Variants in MAP1LC3A observed in about 807,000 individuals in gnomAD.
MAP1LC3A encodes the protein microtubule associated protein 1 light chain 3 alpha.
In MAP1LC3A, 10 loss-of-function variants were observed where a neutral mutation model predicts 15.2. The ratio of observed to expected loss-of-function variants is 0.66; its 90% CI spans 0.41 to 1.12. The LOEUF is 1.12. Ranked by LOEUF, MAP1LC3A falls within the 50% of genes most tolerant of loss-of-function variation. The pLI, the probability that MAP1LC3A is intolerant of heterozygous loss-of-function variation, is 0.00. For missense variants in MAP1LC3A, 138 were observed against 167.3 expected (o/e 0.82, Z 0.97); for synonymous variants, 63 against 64.3 (o/e 0.98, Z 0.10).
Position 34,559,340 on chromosome 20 carries a change from C to T in MAP1LC3A, c.97-7C>T. ...CACGACCCCCTGCCCGCCCGCCCTGCTCCCAGGTGATCATCGAGCGCTACA... is the reference window on the plus strand; with the variant it reads ...CACGACCCCCTGCCCGCCCGCCCTGTTCCCAGGTGATCATCGAGCGCTACA... On this transcript the variant is annotated splice_region_variant and splice_polypyrimidine_tract_variant and intron_variant, in intron 2 of 3. Transcript: ENST00000360668. 2.5e-6 allele frequency: 4 copies of T among 1,590,618 alleles called. No homozygotes were observed. The highest frequency in any genetic ancestry group is 3.4e-6 in the Non-Finnish European group (4 of 1,161,482).
intron 2 of MAP1LC3A, among the ~76,000 whole-genome samples, chr20:34,550,366 A>G (rs905073609): frequency 3.3e-5 from 5 of 152,170 alleles, no homozygotes; most frequent in African/African-American, 7.2e-5. Context: ...AGGGGGAGAT[A>G]GACCTTCTAG....
Position 34,558,963 on chromosome 20 carries a change from G to T in MAP1LC3A, c.40+55G>T, listed in dbSNP as rs990001947. On this transcript the variant is annotated intron_variant, in intron 1 of 3. Transcript: ENST00000360668. This position sits in a 1 kb window ranked among gnomAD's most constrained non-coding sequence, Gnocchi z 4.3. ...TGGGGCAGGGGTGCCGGCCGACCCC[G>T]ACTGCCGCAGGTGACGTCAGCCCCG... is the stretch of plus-strand genomic sequence containing the variant. 2 of 1,345,494 alleles carry T rather than the reference G, an allele frequency of 1.5e-6. No individual in the cohort carries two copies. The highest frequency in any genetic ancestry group is 3.6e-5 in the South Asian group (2 of 55,248). 83.3% of individuals were successfully genotyped at this position (1,345,494 alleles called of 1,614,324 possible).
At position 34,558,963 on chromosome 20, in the gene MAP1LC3A, G is replaced by C. The variant is rs990001947; in HGVS notation, c.40+55G>C. 7.4e-7 allele frequency: 1 copy of C among 1,345,386 alleles called. No homozygotes were observed. Among genetic ancestry groups the C allele is most frequent in the Admixed American group, 4.1e-5 (1 of 24,406 alleles). 83.3% of individuals were successfully genotyped at this position (1,345,386 alleles called of 1,614,324 possible). A position where few individuals can be genotyped will look rare whatever the true frequency, so the allele number is the denominator to read the frequency against. On this transcript the variant is annotated intron_variant, in intron 1 of 3. Transcript: ENST00000360668. The surrounding 1 kb of genome is among the most constrained non-coding windows in gnomAD (Gnocchi z 4.3). Reference sequence around the variant, plus strand: ...TGGGGCAGGGGTGCCGGCCGACCCCGACTGCCGCAGGTGACGTCAGCCCCG... The same window carrying C: ...TGGGGCAGGGGTGCCGGCCGACCCCCACTGCCGCAGGTGACGTCAGCCCCG...
chr20:34,550,731 C>T lies in MAP1LC3A; in HGVS notation c.52+702C>T, dbSNP rs186441454. ...AAGAGAGGCCTGGCCACTCCTCAAA[C>T]ACACACCTGCCCCCAAAGCCAGCAT... On this transcript the variant is annotated intron_variant, in intron 2 of 4. Transcript: ENST00000374837. 5.3e-3 allele frequency among the ~76,000 whole-genome samples: 802 copies of T among 152,306 alleles called. 3 individuals carry two copies. The highest frequency in any genetic ancestry group is 8.4e-3 in the Non-Finnish European group (569 of 68,024).
intron 2 of MAP1LC3A, among the ~76,000 whole-genome samples, chr20:34,550,385 C>T (rs957583158): frequency 3.3e-5 from 5 of 152,112 alleles, no homozygotes; most frequent in Admixed American, 6.5e-5. Flanking sequence ...AGATGGCAAA[C>T]GGCATGGAGA....
chr20:34,550,683 G>C (rs1032609156), intron 2 of MAP1LC3A, among the ~76,000 whole-genome samples: 3 of 152,178 alleles, frequency 2.0e-5, no homozygotes, highest in African/African-American at 7.2e-5. Flanking sequence ...TCGCTGATGG[G>C]AGCACAAAAT....
chr20:34,552,911 G>A (rs1002730616), intron 2 of MAP1LC3A, among the ~76,000 whole-genome samples: 9 of 152,184 alleles, frequency 5.9e-5, no homozygotes, highest in South Asian at 2.1e-4. Flanking sequence ...TGAGGAGGCC[G>A]GGCACAATGG....
chr20:34,553,645 C>A (rs1362884974), intron 2 of MAP1LC3A, among the ~76,000 whole-genome samples: 1 of 152,200 alleles, frequency 6.6e-6, no homozygotes, highest in African/African-American at 2.4e-5. Flanking sequence ...CAAACTAAGG[C>A]CCTCAGTTAA....
At chr20:34,553,135 G>A (rs77273357) in intron 2 of MAP1LC3A, among the ~76,000 whole-genome samples, 31 of 152,222 alleles carry the variant, frequency 2.0e-4, no homozygotes, top group Non-Finnish European at 3.2e-4. Flanking sequence ...GTTGCGGTAC[G>A]CCAATATTGT....
intron 2 of MAP1LC3A, among the ~76,000 whole-genome samples, chr20:34,551,853 A>C (rs190602734): frequency 2.0e-5 from 3 of 152,098 alleles, no homozygotes; most frequent in Non-Finnish European, 4.4e-5. Flanking sequence ...TCTGCATTTC[A>C]TTGTTTGTGA....
chr20:34,555,150 T>A (rs1402711097), upstream of MAP1LC3A, among the ~76,000 whole-genome samples: 3 of 151,104 alleles, frequency 2.0e-5, no homozygotes, highest in Admixed American at 6.6e-5. Context: ...TTTTCTTATT[T>A]TTTTTTTTTT....
At chr20:34,559,018 C>T in intron 1 of MAP1LC3A, 110 bp downstream of exon 1, 1 of 1,336,258 alleles carries the variant, frequency 7.5e-7, no homozygotes, top group South Asian at 1.9e-5. Context: ...GACCCTCGGG[C>T]TGGGACCAGC....
At chr20:34,554,024 A>G (rs1459191471), upstream of MAP1LC3A, among the ~76,000 whole-genome samples, 2 of 152,112 alleles carry the variant, frequency 1.3e-5, no homozygotes, top group Non-Finnish European at 2.9e-5. Flanking sequence ...GTTTGGGTCA[A>G]TTTTGCCAAA....
intron 3 of MAP1LC3A, 37 bp downstream of exon 3, chr20:34,559,490 C>A: frequency 6.4e-7 from 1 of 1,567,008 alleles, no homozygotes; most frequent in Non-Finnish European, 8.7e-7. Flanking sequence ...TGGCTAGGGT[C>A]GGGAGGGGAG....
At chr20:34,559,155 G>A in intron 1 of MAP1LC3A, 53 bp from the exon 2 acceptor site, 5 of 1,490,114 alleles carry the variant, frequency 3.4e-6, no homozygotes, top group Admixed American at 2.2e-5. Context: ...GGGACAGGCG[G>A]GGCGGACCTG....
Position 34,560,059 on chromosome 20 carries a change from T to G in MAP1LC3A, c.*161T>G. The G allele has an allele frequency of 1.5e-6, 1 of 645,976 alleles. No individual in the cohort carries two copies. Among genetic ancestry groups the G allele is most frequent in the Non-Finnish European group, 2.5e-6 (1 of 397,168 alleles). The allele number at this position is 645,976 out of a possible 1,614,324, so 40.0% of individuals were successfully genotyped here. On this transcript the variant is annotated 3_prime_UTR_variant, in exon 4 of 4. Coordinates refer to ENST00000360668, the MANE Select transcript of MAP1LC3A (RefSeq NM_032514.4). ...CCAACCCACCTACTCTGCCCCTGGGTGGATCCTGGGCCGGTCGTGTTAGGG... is the reference window on the plus strand; with the variant it reads ...CCAACCCACCTACTCTGCCCCTGGGGGGATCCTGGGCCGGTCGTGTTAGGG...
Position 34,560,054 on chromosome 20 carries a change from CT to C in MAP1LC3A, c.*157del, listed in dbSNP as rs769743878. On this transcript the variant is annotated 3_prime_UTR_variant, in exon 4 of 4. Coordinates refer to ENST00000360668, the MANE Select transcript of MAP1LC3A (RefSeq NM_032514.4). ...GGGCACCAACCCACCTACTCTGCCC[CT>C]GGGTGGATCCTGGGCCGGTCGTGTT... 125 of 584,440 alleles carry C rather than the reference CT, an allele frequency of 2.1e-4. No individual in the cohort carries two copies. The Middle Eastern group carries it at 4.0e-3, about 19-fold the overall frequency. The allele number at this position is 584,440 out of a possible 1,614,324, so 36.2% of individuals were successfully genotyped here.
chr20:34,556,217 T>C (rs1422426317), upstream of MAP1LC3A, among the ~76,000 whole-genome samples: 3 of 152,240 alleles, frequency 2.0e-5, no homozygotes, highest in African/African-American at 7.2e-5. Context: ...GACTTCATAT[T>C]TAGAATAGGT....
intron 1 of MAP1LC3A, among the ~76,000 whole-genome samples, chr20:34,547,750 G>A (rs1341412182): frequency 1.3e-5 from 2 of 152,144 alleles, no homozygotes; most frequent in Non-Finnish European, 2.9e-5. Context: ...CTGTGCCTCA[G>A]TTAAACCTCT....
Sources: gnomAD v4.1 joint callset for allele counts (sites outside exome capture counted in the v4.1 genomes callset) on GRCh38, gnomAD v4.1.1 for gene constraint, Gnocchi (gnomAD v3.1) non-coding constraint, MANE v1.5 for transcripts, NCBI Gene and HGNC (gene_info 2026-07-23, HGNC 2026-07-21) for gene names.